Variants in KHK observed in about 807,000 individuals in gnomAD.
KHK encodes the protein ketohexokinase, also known as fructokinase.
KHK carries 37 observed loss-of-function variants against 36.0 expected under a neutral mutation model. That is an observed-to-expected ratio of 1.03 (90% CI 0.79 to 1.35). The LOEUF (loss-of-function observed/expected upper bound fraction) is 1.35. KHK is among the 40% of genes most tolerant of loss of function. The pLI is 0.00. For missense variants in KHK, 395 were observed against 391.9 expected (o/e 1.01, Z -0.07); for synonymous variants, 161 against 162.8 (o/e 0.99, Z 0.08).
At position 27,099,418 on chromosome 2, in the gene KHK, A is replaced by AGGGCTGTGCTTGTCTGTGCCTGG. The variant is rs1670642633; in HGVS notation, c.654_676dup. 6.2e-7 allele frequency: 1 copy of AGGGCTGTGCTTGTCTGTGCCTGG among 1,613,492 alleles called. No individual in the cohort carries two copies. Among genetic ancestry groups the AGGGCTGTGCTTGTCTGTGCCTGG allele is most frequent in the South Asian group, 1.1e-5 (1 of 91,084 alleles). ...ACCCAGCTGAGTGGAGCCGTCTTGC[A>AGGGCTGTGCTTGTCTGTGCCTGG]GGGCTGTGCTTGTCTGTGCCTGGGC... is the stretch of plus-strand genomic sequence containing the variant. On this transcript the variant is annotated splice_acceptor_variant, in intron 6 of 7. Coordinates refer to ENST00000260598, the MANE Select transcript of KHK (RefSeq NM_006488.3). LOFTEE classifies it high-confidence loss of function.
rs201278712 is a variant in KHK at position 27,097,432 on chromosome 2, C to T, written c.418-71C>T. 69 of 1,597,332 alleles carry T rather than the reference C, an allele frequency of 4.3e-5. No homozygotes were observed. In the East Asian group the frequency reaches 1.3e-3, roughly 29 times the overall value. Reference sequence around the variant, plus strand: ...TCTCCCTCCTCACCCAGAGTTTCAGCGGGGCAGGAAGAATGAGGCAGATTG... The same window carrying T: ...TCTCCCTCCTCACCCAGAGTTTCAGTGGGGCAGGAAGAATGAGGCAGATTG... On this transcript the variant is annotated intron_variant, in intron 4 of 7. Transcript: ENST00000260598.
chr2:27,092,798 C>T (rs567835203), intron 2 of KHK, among the ~76,000 whole-genome samples: 1 of 152,326 alleles, frequency 6.6e-6, no homozygotes, highest in East Asian at 1.9e-4. Context: ...ATGCTTGAGG[C>T]AGAAGGCAGT....
rs1670387288 is a variant in KHK, at chr2:27,096,887, G to GAAGT, written c.417+88_417+91dup. 10 of 988,870 alleles carry GAAGT rather than the reference G, an allele frequency of 1.0e-5. No individual in the cohort carries two copies. The Admixed American group carries it at 1.7e-4, about 17-fold the overall frequency. The allele number at this position is 988,870 out of a possible 1,614,324, so 61.3% of individuals were successfully genotyped here. On this transcript the variant is annotated intron_variant, in intron 4 of 7. Transcript: ENST00000260598. ...TGCCTCCTTGGTTTCTTTGAATCATGAAGTACCTTAGAGATAAATGAACCC... is the reference window on the plus strand; with the variant it reads ...TGCCTCCTTGGTTTCTTTGAATCATGAAGTAAGTACCTTAGAGATAAATGAACCC...
intron 1 of KHK, among the ~76,000 whole-genome samples, chr2:27,091,926 C>A (rs551040442): frequency 2.6e-5 from 4 of 152,046 alleles, no homozygotes; most frequent in Non-Finnish European, 5.9e-5. Flanking sequence ...ACTTAGTCCC[C>A]GAGGTCCTTG....
At chr2:27,093,051 C>A (rs1670109604) in intron 2 of KHK, among the ~76,000 whole-genome samples, 1 of 152,214 alleles carries the variant, frequency 6.6e-6, no homozygotes, top group African/African-American at 2.4e-5. Flanking sequence ...CTGCAGGGAC[C>A]TCAGAGCCCT....
chr2:27,096,214 C>G (rs1670325667), intron 3 of KHK, among the ~76,000 whole-genome samples: 1 of 152,214 alleles, frequency 6.6e-6, no homozygotes, highest in South Asian at 2.1e-4. Context: ...CAAACACAAA[C>G]TCTTCCTCAA....
chr2:27,092,607 C>A (rs757673730), intron 2 of KHK, among the ~76,000 whole-genome samples, 159 bp downstream of exon 2: 1 of 152,208 alleles, frequency 6.6e-6, no homozygotes, highest in Admixed American at 6.5e-5. Flanking sequence ...CCCAGCCCTG[C>A]CTTGGCGTGG....
Position 27,100,311 on chromosome 2 carries a change from T to TCTGCC in KHK, c.*568_*572dup. 1.4e-6 allele frequency: 1 copy of TCTGCC among 689,942 alleles called. No individual in the cohort carries two copies. The highest frequency in any genetic ancestry group is 1.6e-5 in the South Asian group (1 of 62,760). The allele number at this position is 689,942 out of a possible 1,614,324, so 42.7% of individuals were successfully genotyped here. A position where few individuals can be genotyped will look rare whatever the true frequency, so the allele number is the denominator to read the frequency against. On this transcript the variant is annotated 3_prime_UTR_variant, in exon 8 of 8. Transcript: ENST00000260598. ...CAGTGGGGGGCAGGGGTGCGCCTCC[T>TCTGCC]CTGCCCTGCCCACCAGCCTGTGATT... is the stretch of plus-strand genomic sequence containing the variant.
chr2:27,095,081 T>A (rs551843518), intron 3 of KHK, 147 bp downstream of exon 3: 2 of 929,886 alleles, frequency 2.2e-6, no homozygotes, highest in East Asian at 5.0e-5. Context: ...GTCCAGTGAT[T>A]TCCTAATTGC....
chr2:27,094,648 G>T, intron 2 of KHK, 152 bp from the exon 3 acceptor site: 2 of 1,613,752 alleles, frequency 1.2e-6, no homozygotes, highest in Non-Finnish European at 1.7e-6. Flanking sequence ...AGCTGCTGCC[G>T]CCGCCACCAA....
chr2:27,095,840 G>C (rs954173230), intron 3 of KHK, among the ~76,000 whole-genome samples: 1 of 152,200 alleles, frequency 6.6e-6, no homozygotes, highest in Non-Finnish European at 1.5e-5. Flanking sequence ...GGTGACCTTC[G>C]CATTGGGCAA....
chr2:27,095,437 G>T (rs1272271015), intron 3 of KHK, among the ~76,000 whole-genome samples: 1 of 152,208 alleles, frequency 6.6e-6, no homozygotes, highest in East Asian at 1.9e-4. Context: ...AAAGTTTCCA[G>T]CATGATGAAG....
chr2:27,099,612 A>G (rs751705633), intron 7 of KHK, 35 bp downstream of exon 7: 1 of 1,613,888 alleles, frequency 6.2e-7, no homozygotes, highest in Non-Finnish European at 8.5e-7. Flanking sequence ...AAGGACTGGG[A>G]CCTGTCCCTG....
rs749705960 is a variant in KHK at position 27,096,713 on chromosome 2, C to T, written c.345-16C>T. 37 of 1,611,310 alleles carry T rather than the reference C, an allele frequency of 2.3e-5. 1 individual carries two copies. The South Asian group carries it at 4.1e-4, about 18-fold the overall frequency. On this transcript the variant is annotated splice_polypyrimidine_tract_variant and intron_variant, in intron 3 of 7. Transcript: ENST00000260598. Reference sequence around the variant, plus strand: ...TCATGCTCCTTCTTCTCTGTCTTTTCCATCCTGTGACCTAGGAGCCTGCCA... The same window carrying T: ...TCATGCTCCTTCTTCTCTGTCTTTTTCATCCTGTGACCTAGGAGCCTGCCA...
intron 4 of KHK, 30 bp downstream of exon 4, chr2:27,096,831 G>C (rs778295202): frequency 5.2e-6 from 8 of 1,530,896 alleles, no homozygotes; most frequent in Non-Finnish European, 6.3e-6. Context: ...TGTTTCAAGG[G>C]GCTCAACCTG....
At position 27,099,402 on chromosome 2, in the gene KHK, AGTGGAGCC is replaced by A. The variant is rs1433231924; in HGVS notation, c.654-15_654-8del. 3.7e-6 allele frequency: 6 copies of A among 1,612,522 alleles called. No homozygotes were observed. The African/African-American group carries it at 8.0e-5, about 22-fold the overall frequency. Reference sequence around the variant, plus strand: ...GACGGGGTGGGCTAACACCCAGCTGAGTGGAGCCGTCTTGCAGGGCTGTGCTTGTCTGT... The same window carrying A: ...GACGGGGTGGGCTAACACCCAGCTGAGTCTTGCAGGGCTGTGCTTGTCTGT... On this transcript the variant is annotated splice_polypyrimidine_tract_variant and intron_variant, in intron 6 of 7. Transcript: ENST00000260598.
Position 27,099,940 on chromosome 2 carries a change from C to G in KHK, c.*190C>G, listed in dbSNP as rs923139613. 6 of 1,291,852 alleles carry G rather than the reference C, an allele frequency of 4.6e-6. No individual in the cohort carries two copies. Among genetic ancestry groups the G allele is most frequent in the Middle Eastern group, 2.6e-4 (1 of 3,858 alleles). 80.0% of individuals were successfully genotyped at this position (1,291,852 alleles called of 1,614,324 possible). A position where few individuals can be genotyped will look rare whatever the true frequency, so the allele number is the denominator to read the frequency against. On this transcript the variant is annotated 3_prime_UTR_variant, in exon 8 of 8. Coordinates refer to ENST00000260598, the MANE Select transcript of KHK (RefSeq NM_006488.3). ...GGGGGATGGCTGGGGGATGCAGAGC[C>G]TCAGAGCAAATAAATCTTCCTCAGA...
chr2:27,096,370 C>A (rs1029442612), intron 3 of KHK, among the ~76,000 whole-genome samples: 5 of 152,162 alleles, frequency 3.3e-5, no homozygotes, highest in African/African-American at 7.2e-5. Context: ...TTTCCCAGGG[C>A]TCTGCCTGTG....
In KHK at chr2:27,087,181, C is replaced by T; in HGVS notation, c.-79C>T. 2 of 1,241,030 alleles carry T rather than the reference C, an allele frequency of 1.6e-6. No homozygotes were observed. Among genetic ancestry groups the T allele is most frequent in the Non-Finnish European group, 1.1e-6 (1 of 869,888 alleles). The allele number at this position is 1,241,030 out of a possible 1,614,324, so 76.9% of individuals were successfully genotyped here. On this transcript the variant is annotated 5_prime_UTR_variant, in exon 1 of 8. Transcript: ENST00000260598. ...GAGCCAGGGCAGCTGGGAGCGGGGA[C>T]ACCATCCTCCTGGATAAGAGGCAGA...
Sources: allele counts gnomAD v4.1 joint callset (sites outside exome capture counted in the v4.1 genomes callset), GRCh38; gene constraint gnomAD v4.1.1; transcripts MANE v1.5; gene names NCBI Gene and HGNC (gene_info 2026-07-23, HGNC 2026-07-21).